DLGAP1: variants seen among roughly 807,000 people sequenced by gnomAD.
DLGAP1 encodes DLG associated protein 1.
In DLGAP1, 11 loss-of-function variants were observed where a neutral mutation model predicts 90.8. The ratio of observed to expected loss-of-function variants is 0.12; its 90% CI spans 0.08 to 0.20. The LOEUF is 0.20. Among genes scored for constraint, DLGAP1 ranks in the 10% least tolerant of loss-of-function variants. The pLI, the probability that DLGAP1 is intolerant of heterozygous loss-of-function variation, is 1.00. For missense variants in DLGAP1, 1,050 were observed against 1,333.8 expected, an observed-to-expected ratio of 0.79 and a Z score of 3.31; for synonymous variants, 558 against 540.7, an observed-to-expected ratio of 1.03 and a Z score of -0.44.
intron 10 of DLGAP1, among the ~76,000 whole-genome samples, chr18:3,513,273 T>C (rs1247126233): frequency 1.3e-5 from 2 of 152,188 alleles, no homozygotes; most frequent in Non-Finnish European, 2.9e-5. Flanking sequence ...CCACTGAGTG[T>C]GATTTCTGTT....
At chr18:4,019,978 G>C (rs1020640322) in intron 2 of DLGAP1, among the ~76,000 whole-genome samples, 31 of 152,194 alleles carry the variant, frequency 2.0e-4, no homozygotes, top group African/African-American at 7.2e-4. Flanking sequence ...GTTTGATCTG[G>C]AAGGGTGGGA....
At chr18:4,281,915 T>C (rs2079560694) in intron 1 of DLGAP1, among the ~76,000 whole-genome samples, 1 of 152,216 alleles carries the variant, frequency 6.6e-6, no homozygotes, top group Admixed American at 6.5e-5. Flanking sequence ...GTGTGAAACA[T>C]CTATAATGTA....
chr18:3,628,293 G>C (rs1488250650), intron 7 of DLGAP1, among the ~76,000 whole-genome samples: 8 of 151,184 alleles, frequency 5.3e-5, no homozygotes, highest in Non-Finnish European at 1.0e-4. Flanking sequence ...GGGTTCGAGC[G>C]ATTCTCCTAT....
In DLGAP1 at chr18:3,879,710, G is replaced by C. The variant is rs865795860; in HGVS notation, c.359C>G (p.Thr120Ser). ...QLPLSRDGYH[T>S]LQYKRTAVEH... ...CACGGCCGTGCGCTTGTACTGCAGG[G>C]TGTGATAGCCATCGCGGCTGAGTGG... The change falls in exon 4 of 13, where the codon ACC becomes AGC. Residue 120 changes from threonine to serine, a missense_variant. This residue lies in a region of DLGAP1 where 485 missense variants were observed against 454.1 expected (regional missense o/e 1.07). Coordinates refer to ENST00000315677, the MANE Select transcript of DLGAP1 (RefSeq NM_004746.4). This position sits in a 1 kb window ranked among gnomAD's most constrained non-coding sequence, Gnocchi z 6.6. The C allele has an allele frequency of 1.2e-6, 2 of 1,608,768 alleles. No homozygotes were observed. Among genetic ancestry groups the C allele is most frequent in the East Asian group, 4.5e-5 (2 of 44,854 alleles).
At position 3,534,620 on chromosome 18, in the gene DLGAP1, G is replaced by A; in HGVS notation, c.2058-5C>T. The A allele has an allele frequency of 6.5e-7, 1 of 1,531,488 alleles. No homozygotes were observed. The allele number at this position is 1,531,488 out of a possible 1,614,324, so 94.9% of individuals were successfully genotyped here. A position where few individuals can be genotyped will look rare whatever the true frequency, so the allele number is the denominator to read the frequency against. ...GATCGAGTGAACCTGCGGAAGCTTG[G>A]GAGAATAGAAAAAAGAAATTTAGTT... is the stretch of plus-strand genomic sequence containing the variant. On this transcript the variant is annotated splice_region_variant and splice_polypyrimidine_tract_variant and intron_variant, in intron 9 of 12. Transcript: ENST00000315677.
intron 7 of DLGAP1, among the ~76,000 whole-genome samples, chr18:3,673,375 T>G (rs2060167874): frequency 6.6e-6 from 1 of 152,246 alleles, no homozygotes; most frequent in African/African-American, 2.4e-5. Context: ...GCGACCTGTC[T>G]GGTTTACTAA....
At chr18:4,391,565 C>G (rs944810387) in intron 1 of DLGAP1, among the ~76,000 whole-genome samples, 1 of 152,134 alleles carries the variant, frequency 6.6e-6, no homozygotes, top group Non-Finnish European at 1.5e-5. Context: ...TGAAGATCCC[C>G]TTAGCTTGAA....
At chr18:3,763,345 G>A (rs182351806) in intron 5 of DLGAP1, among the ~76,000 whole-genome samples, 115 of 152,234 alleles carry the variant, frequency 7.6e-4, no homozygotes, top group African/African-American at 2.7e-3. Flanking sequence ...CTGCACTGTC[G>A]GCTTCCCTAC....
chr18:4,241,696 G>A (rs1242230976), intron 1 of DLGAP1, among the ~76,000 whole-genome samples: 1 of 152,124 alleles, frequency 6.6e-6, no homozygotes, highest in Non-Finnish European at 1.5e-5. Context: ...CCAATAAAAA[G>A]TATTTTAAGT....
At chr18:3,783,322 A>ACCCT (rs1473247156) in intron 5 of DLGAP1, among the ~76,000 whole-genome samples, 2 of 152,192 alleles carry the variant, frequency 1.3e-5, no homozygotes, top group Non-Finnish European at 2.9e-5. Context: ...AGGAATGAAA[A>ACCCT]CATATGCCCA....
intron 2 of DLGAP1, among the ~76,000 whole-genome samples, chr18:4,110,750 T>C (rs1185794546): frequency 1.3e-5 from 2 of 152,194 alleles, no homozygotes; most frequent in Non-Finnish European, 2.9e-5. Context: ...TTTTATTGAG[T>C]AGGGCTATCT....
chr18:4,046,814 T>C (rs758674455), intron 2 of DLGAP1, among the ~76,000 whole-genome samples: 44 of 152,330 alleles, frequency 2.9e-4, no homozygotes, highest in Admixed American at 5.9e-4. Flanking sequence ...AGAACATATA[T>C]AGCTGGAGAT....
intron 5 of DLGAP1, among the ~76,000 whole-genome samples, chr18:3,781,916 C>T (rs770541925): frequency 7.2e-4 from 109 of 152,294 alleles, no homozygotes; most frequent in Admixed American, 3.7e-3. Context: ...AAGGTACACA[C>T]CGCTACATTT....
chr18:3,874,927 T>C (rs931825320), intron 4 of DLGAP1, among the ~76,000 whole-genome samples: 2 of 152,218 alleles, frequency 1.3e-5, no homozygotes, highest in Non-Finnish European at 2.9e-5. Context: ...CAGTATTTGA[T>C]TCCTAAGTCA....
intron 1 of DLGAP1, among the ~76,000 whole-genome samples, chr18:4,323,197 T>A (rs2080738637): frequency 6.6e-6 from 1 of 152,124 alleles, no homozygotes. Flanking sequence ...GAAATGCTCA[T>A]CATAACTCTC....
chr18:4,233,095 C>T (rs575658324), intron 1 of DLGAP1, among the ~76,000 whole-genome samples: 1 of 152,270 alleles, frequency 6.6e-6, no homozygotes, highest in Non-Finnish European at 1.5e-5. Context: ...GTCTCCCATA[C>T]CTTTCATCCA....
intron 1 of DLGAP1, among the ~76,000 whole-genome samples, chr18:4,184,530 C>T (rs1161619740): frequency 2.0e-5 from 3 of 152,078 alleles, no homozygotes; most frequent in East Asian, 3.9e-4. Context: ...TTCAATAAAT[C>T]GGTATCGTAC....
chr18:4,281,120 T>C (rs2079540219), intron 1 of DLGAP1: 1 of 152,242 alleles, frequency 6.6e-6, no homozygotes, highest in Non-Finnish European at 1.5e-5. Context: ...AGTAAAGTAA[T>C]ACTTGTTGAG....
chr18:3,872,174 A>C (rs1337310953), intron 4 of DLGAP1, among the ~76,000 whole-genome samples: 1 of 151,138 alleles, frequency 6.6e-6, no homozygotes, highest in African/African-American at 2.4e-5. Flanking sequence ...CATTTAAAAG[A>C]TCAGGGAATC....
Sources: gnomAD v4.1 joint callset for allele counts (sites outside exome capture counted in the v4.1 genomes callset) on GRCh38, gnomAD v4.1.1 for gene constraint, gnomAD v4.1.1 regional missense constraint, Gnocchi (gnomAD v3.1) non-coding constraint, MANE v1.5 for transcripts, NCBI Gene and HGNC (gene_info 2026-07-23, HGNC 2026-07-21) for gene names.